The following PPP6R1 variants were observed in gnomAD, a reference collection of about 807,000 sequenced individuals.
PPP6R1 encodes serine/threonine-protein phosphatase 6 regulatory subunit 1.
A neutral mutation model predicts 104.6 loss-of-function variants in PPP6R1; 39 were observed. The ratio of observed to expected loss-of-function variants is 0.37; its 90% CI spans 0.29 to 0.49. The LOEUF is 0.49. PPP6R1 is among the 20% of genes least tolerant of loss of function. PPP6R1 has a pLI of 0.98. For missense variants in PPP6R1, 1,181 were observed against 1,155.8 expected (o/e 1.02, Z -0.32); for synonymous variants, 549 against 479.0 (o/e 1.15, Z -1.91).
chr19:55,231,009 G>T, intron 21 of PPP6R1, 125 bp from the exon 22 acceptor site: 1 of 803,382 alleles, frequency 1.2e-6, no homozygotes, highest in Non-Finnish European at 2.0e-6. Flanking sequence ...CACGGGGAGG[G>T]GCCTCCCGAG....
At chr19:55,255,516 A>T (rs896159094) in intron 1 of PPP6R1, among the ~76,000 whole-genome samples, 1 of 152,094 alleles carries the variant, frequency 6.6e-6, no homozygotes, top group African/African-American at 2.4e-5. Context: ...GGTTACTATA[A>T]GGCAGCACTC....
At chr19:55,239,526 C>CT (rs1196034947) in intron 14 of PPP6R1, 24 bp from the exon 15 acceptor site, 3 of 1,612,714 alleles carry the variant, frequency 1.9e-6, no homozygotes, top group Non-Finnish European at 2.5e-6. Flanking sequence ...GAGGTTAGGG[C>CT]TGGAGGGAGT....
rs200157485 is a variant in PPP6R1, at chr19:55,245,237, C to A, written c.552+28G>T. On this transcript the variant is annotated intron_variant, in intron 4 of 23. Coordinates refer to ENST00000412770, the MANE Select transcript of PPP6R1 (RefSeq NM_014931.4). This position sits in a 1 kb window ranked among gnomAD's most constrained non-coding sequence, Gnocchi z 6.4. ...TCGCTGTCCACCACGCCCAGCCCCC[C>A]ACCCCCAGAGGAGCCGGCCCTGCTC... 1 of 1,601,564 alleles carries A rather than the reference C, an allele frequency of 6.2e-7. No homozygotes were observed. Among genetic ancestry groups the A allele is most frequent in the Non-Finnish European group, 8.5e-7 (1 of 1,174,422 alleles).
rs766882681 is a variant in PPP6R1 at position 55,240,017 on chromosome 19, G to A, written c.1459C>T (p.Leu487=). 7 of 1,604,286 alleles carry A rather than the reference G, an allele frequency of 4.4e-6. No homozygotes were observed. In the Admixed American group the frequency reaches 5.1e-5, roughly 12 times the overall value. The change falls in exon 12 of 24, where the codon CTG becomes TTG. Residue 487 remains leucine (L), a synonymous_variant. Transcript: ENST00000412770. ...NTEKGPNAEQ[L]RQLLKELPSE... is the part of the protein sequence containing the mutation. ...CCCTCACCCTTCAGCAGCTGCCGCA[G>A]CTGCTCTGCATTGGGCCCCTTCTCC...
chr19:55,240,798 A>C, intron 10 of PPP6R1, 147 bp downstream of exon 10: 1 of 1,184,408 alleles, frequency 8.4e-7, no homozygotes, highest in Admixed American at 2.7e-5. Flanking sequence ...CTCCCTGGCC[A>C]TGCCTCCCAC....
At chr19:55,240,451 G>C (rs981908340) in intron 10 of PPP6R1, among the ~76,000 whole-genome samples, 151 bp from the exon 11 acceptor site, 2 of 151,878 alleles carry the variant, frequency 1.3e-5, no homozygotes, top group Non-Finnish European at 2.9e-5. Context: ...TGCAAGCTGG[G>C]GCTTGGGACC....
At position 55,230,038 on chromosome 19, in the gene PPP6R1, A is replaced by C; in HGVS notation, c.*490T>G. On this transcript the variant is annotated 3_prime_UTR_variant, in exon 24 of 24. Coordinates refer to ENST00000412770, the MANE Select transcript of PPP6R1 (RefSeq NM_014931.4). ...TCGGGACCCTCTGGCACCCCCACCC[A>C]CGCTGGGCCGTCCCCCATGGTGGAC... The C allele has an allele frequency of 3.9e-5, 6 of 155,734 alleles. No homozygotes were observed. Among genetic ancestry groups the C allele is most frequent in the South Asian group, 2.0e-4 (1 of 5,124 alleles). 9.6% of individuals were successfully genotyped at this position (155,734 alleles called of 1,614,324 possible).
intron 1 of PPP6R1, among the ~76,000 whole-genome samples, chr19:55,248,797 A>C (rs1000817228): frequency 6.6e-6 from 1 of 152,154 alleles, no homozygotes; most frequent in Non-Finnish European, 1.5e-5. Context: ...GGGCTGACAA[A>C]ACGCAGGACA....
chr19:55,230,445 G>C lies in PPP6R1; in HGVS notation c.*83C>G. On this transcript the variant is annotated 3_prime_UTR_variant, in exon 24 of 24. Transcript: ENST00000412770. Reference sequence around the variant, plus strand: ...TGTCAGGGTGATGAGGGCAATGGGGGCCATCGTGGGACCCGCCCTGCCCCC... The same window carrying C: ...TGTCAGGGTGATGAGGGCAATGGGGCCCATCGTGGGACCCGCCCTGCCCCC... The C allele has an allele frequency of 6.3e-7, 1 of 1,578,766 alleles. No individual in the cohort carries two copies. The highest frequency in any genetic ancestry group is 8.7e-7 in the Non-Finnish European group (1 of 1,154,710).
At chr19:55,254,964 C>T (rs1368950768) in intron 1 of PPP6R1, among the ~76,000 whole-genome samples, 2 of 152,240 alleles carry the variant, frequency 1.3e-5, no homozygotes, top group Non-Finnish European at 2.9e-5. Context: ...GCATCACCCA[C>T]CCAGCAAGGA....
At chr19:55,240,512 CAT>C (rs1199720465) in intron 10 of PPP6R1, among the ~76,000 whole-genome samples, 3 of 127,928 alleles carry the variant, frequency 2.3e-5, no homozygotes, top group Non-Finnish European at 1.6e-5. Context: ...ATATGTGGTG[CAT>C]ACACACACAC....
chr19:55,237,009 G>C (rs767715044), intron 15 of PPP6R1, 39 bp from the exon 16 acceptor site: 1 of 1,552,826 alleles, frequency 6.4e-7, no homozygotes, highest in South Asian at 1.1e-5. Context: ...AGGTCCACCT[G>C]GGGGTGGGGG....
At chr19:55,228,795 G>C, downstream of PPP6R1, 1 of 1,579,448 alleles carries the variant, frequency 6.3e-7, no homozygotes, top group Non-Finnish European at 8.7e-7. Context: ...GCTTCAGGGG[G>C]TGGAGGGGAG....
In PPP6R1 at chr19:55,242,588, A is replaced by T. The variant is rs533036928; in HGVS notation, c.619-100T>A. The T allele has an allele frequency of 2.0e-5, 20 of 993,974 alleles. No individual in the cohort carries two copies. The Admixed American group carries it at 3.3e-4, about 17-fold the overall frequency. The allele number at this position is 993,974 out of a possible 1,614,324, so 61.6% of individuals were successfully genotyped here. A position where few individuals can be genotyped will look rare whatever the true frequency, so the allele number is the denominator to read the frequency against. On this transcript the variant is annotated intron_variant, in intron 5 of 23. Coordinates refer to ENST00000412770, the MANE Select transcript of PPP6R1 (RefSeq NM_014931.4). Reference sequence around the variant, plus strand: ...CCCATGAGCTGACCATCCAGGGAAAAATGGTCACCCAGACACAGGGACACG... The same window carrying T: ...CCCATGAGCTGACCATCCAGGGAAATATGGTCACCCAGACACAGGGACACG...
At chr19:55,228,654 T>C (rs1600100292), downstream of PPP6R1, 1 of 1,595,560 alleles carries the variant, frequency 6.3e-7, no homozygotes. Flanking sequence ...CAGGGCCCTG[T>C]CCCCCCAGCC....
Position 55,230,216 on chromosome 19 carries a change from T to C in PPP6R1, c.*312A>G. On this transcript the variant is annotated 3_prime_UTR_variant, in exon 24 of 24. Transcript: ENST00000412770. ...TTGGAGCCGCCAGCCCAGTTCGGTG[T>C]CCTCACTCTCTCTCGCTCTCCTCCC... 1 of 383,940 alleles carries C rather than the reference T, an allele frequency of 2.6e-6. No homozygotes were observed. Among genetic ancestry groups the C allele is most frequent in the Non-Finnish European group, 4.7e-6 (1 of 210,884 alleles). The allele number at this position is 383,940 out of a possible 1,614,324, so 23.8% of individuals were successfully genotyped here. A position where few individuals can be genotyped will look rare whatever the true frequency, so the allele number is the denominator to read the frequency against.
At chr19:55,256,300 A>T in intron 1 of PPP6R1, among the ~76,000 whole-genome samples, 1 of 152,214 alleles carries the variant, frequency 6.6e-6, no homozygotes, top group East Asian at 1.9e-4. Context: ...CGCTGCTAAC[A>T]TTTGGGCTGG....
chr19:55,237,272 TC>T (rs2087408561), intron 15 of PPP6R1, among the ~76,000 whole-genome samples: 1 of 152,140 alleles, frequency 6.6e-6, no homozygotes, highest in Admixed American at 6.5e-5. Context: ...CTCAGGCTCT[TC>T]CAAGGACAGG....
At chr19:55,229,085 G>C, downstream of PPP6R1, 1 of 259,286 alleles carries the variant, frequency 3.9e-6, no homozygotes, top group Non-Finnish European at 7.8e-6. Flanking sequence ...CCCCATCATG[G>C]GAAGCGGGAG....
Sources: gnomAD v4.1 joint callset for allele counts (sites outside exome capture counted in the v4.1 genomes callset) on GRCh38, gnomAD v4.1.1 for gene constraint, Gnocchi (gnomAD v3.1) non-coding constraint, MANE v1.5 for transcripts, NCBI Gene and HGNC (gene_info 2026-07-23, HGNC 2026-07-21) for gene names.